Variants in WDR41 observed in about 807,000 individuals in gnomAD.
The protein encoded by WDR41 is WD repeat-containing protein 41.
In WDR41, 63 loss-of-function variants were observed where a neutral mutation model predicts 69.3. The ratio of observed to expected loss-of-function variants is 0.91; its 90% CI spans 0.74 to 1.12. The LOEUF is 1.12. WDR41 is among the 50% of genes most tolerant of loss of function. The pLI is 0.00. For missense variants in WDR41, 543 were observed against 534.5 expected, an observed-to-expected ratio of 1.02 and a Z score of -0.16; for synonymous variants, 185 against 192.1, an observed-to-expected ratio of 0.96 and a Z score of 0.31.
At chr5:77,522,029 T>C (rs886356932) in intron 1 of WDR41, among the ~76,000 whole-genome samples, 2 of 152,162 alleles carry the variant, frequency 1.3e-5, no homozygotes, top group African/African-American at 4.8e-5. Context: ...TCTGAAACAA[T>C]TGCAGGAGTT....
intron 1 of WDR41, among the ~76,000 whole-genome samples, chr5:77,585,516 T>A (rs945088303): frequency 6.6e-5 from 10 of 152,174 alleles, no homozygotes; most frequent in African/African-American, 1.9e-4. Flanking sequence ...AAGACGATAC[T>A]TGCACATTAA....
chr5:77,567,410 T>C (rs550269957), intron 1 of WDR41, among the ~76,000 whole-genome samples: 73 of 152,212 alleles, frequency 4.8e-4, no homozygotes, highest in African/African-American at 1.6e-3. Flanking sequence ...GCTTGTTCAC[T>C]GTGATCAACT....
At position 77,478,094 on chromosome 5, in the gene WDR41, C is replaced by G. The variant is rs552993116; in HGVS notation, c.167+11363G>C. ...ATCTAGAAGAAATGGATAAATTCCT[C>G]GACACATACACCCTCCCAAGACTAA... On this transcript the variant is annotated intron_variant, in intron 2 of 12. Transcript: ENST00000296679. Among the ~76,000 whole-genome samples, 338 of 152,202 alleles carry G rather than the reference C, an allele frequency of 2.2e-3. 1 individual carries two copies. Among genetic ancestry groups the G allele is most frequent in the Non-Finnish European group, 3.6e-3 (245 of 67,994 alleles).
chr5:77,455,358 A>G (rs335603), intron 5 of WDR41, among the ~76,000 whole-genome samples: 76,698 of 152,070 alleles, frequency 0.5, 19,776 homozygotes, highest in African/African-American at 0.59. Context: ...TTCTTCATAT[A>G]TTGTAGACAC....
intron 1 of WDR41, among the ~76,000 whole-genome samples, chr5:77,573,515 A>C (rs1743770130): frequency 6.6e-6 from 1 of 152,140 alleles, no homozygotes; most frequent in African/African-American, 2.4e-5. Context: ...GCTTATCCCA[A>C]ATTGCAAACT....
At chr5:77,495,280 G>A (rs555996047), upstream of WDR41, among the ~76,000 whole-genome samples, 12 of 151,946 alleles carry the variant, frequency 7.9e-5, no homozygotes, top group South Asian at 2.1e-3. Context: ...ATAAGAATTA[G>A]AGCAGAGATA....
chr5:77,593,963 C>A (rs1236695269), intron 1 of WDR41, among the ~76,000 whole-genome samples: 1 of 151,664 alleles, frequency 6.6e-6, no homozygotes, highest in Non-Finnish European at 1.5e-5. Context: ...AGACTGAAGC[C>A]CTGTCCAAAT....
chr5:77,514,945 G>A (rs1802271309), intron 1 of WDR41, among the ~76,000 whole-genome samples: 1 of 152,212 alleles, frequency 6.6e-6, no homozygotes. Flanking sequence ...ACTAGAAGTT[G>A]CTCTGGGTGA....
chr5:77,536,135 T>C (rs1742973307), intron 1 of WDR41, among the ~76,000 whole-genome samples: 1 of 152,122 alleles, frequency 6.6e-6, no homozygotes, highest in Non-Finnish European at 1.5e-5. Context: ...TATGTGTACA[T>C]CCAAGTTTAT....
intron 9 of WDR41, among the ~76,000 whole-genome samples, chr5:77,440,009 C>CT (rs1159621438): frequency 6.6e-6 from 1 of 152,072 alleles, no homozygotes; most frequent in Non-Finnish European, 1.5e-5. Context: ...CTATCCTAAT[C>CT]TTTTGTTTTG....
At chr5:77,559,548 A>C (rs1745749576) in intron 1 of WDR41, among the ~76,000 whole-genome samples, 1 of 151,982 alleles carries the variant, frequency 6.6e-6, no homozygotes, top group South Asian at 2.1e-4. Flanking sequence ...ATATATGGAC[A>C]TGATTTTTAT....
chr5:77,547,487 G>A (rs1743219659), intron 1 of WDR41, among the ~76,000 whole-genome samples: 2 of 150,652 alleles, frequency 1.3e-5, no homozygotes, highest in African/African-American at 4.9e-5. Flanking sequence ...TGACCAAGCT[G>A]AGAATCAAAT....
chr5:77,588,943 C>G (rs748861854), intron 1 of WDR41, among the ~76,000 whole-genome samples: 6 of 152,166 alleles, frequency 3.9e-5, no homozygotes, highest in South Asian at 2.1e-4. Context: ...CCAGCAAGCA[C>G]TTCAGCACTA....
At chr5:77,483,073 G>C (rs1801352966) in intron 2 of WDR41, among the ~76,000 whole-genome samples, 2 of 152,128 alleles carry the variant, frequency 1.3e-5, no homozygotes, top group East Asian at 3.8e-4. Context: ...GAAACTCAAA[G>C]TCCATTTCCT....
chr5:77,442,570 A>T (rs1292716260), intron 8 of WDR41, among the ~76,000 whole-genome samples: 1 of 151,942 alleles, frequency 6.6e-6, no homozygotes, highest in Non-Finnish European at 1.5e-5. Flanking sequence ...TTCTACTATG[A>T]CTATGTATAA....
At chr5:77,520,898 T>C (rs1802360108) in intron 1 of WDR41, among the ~76,000 whole-genome samples, 1 of 152,180 alleles carries the variant, frequency 6.6e-6, no homozygotes, top group Admixed American at 6.5e-5. Context: ...CTGACAAATT[T>C]GCTCTTCAGC....
chr5:77,433,221 T>C lies in WDR41; in HGVS notation c.1294A>G (p.Lys432Glu), dbSNP rs886967571. 2 of 1,614,044 alleles carry C rather than the reference T, an allele frequency of 1.2e-6. No individual in the cohort carries two copies. The highest frequency in any genetic ancestry group is 2.7e-5 in the African/African-American group (2 of 75,040). ...AATCCAGATTCTCGCTCTCCATTTT[T>C]CCACAAAATAATGAGATGATCAGCG... ...CSADHLIILW[K>E]NGERESGLRS... The change falls in exon 13 of 13, where the codon AAA becomes GAA. Residue 432 changes from lysine to glutamate, a missense_variant. By Grantham distance (56) the Lys-to-Glu change is moderately conservative. Transcript: ENST00000296679.
chr5:77,479,371 C>G (rs1451545708), intron 2 of WDR41, among the ~76,000 whole-genome samples: 1 of 152,152 alleles, frequency 6.6e-6, no homozygotes, highest in African/African-American at 2.4e-5. Context: ...CCAAGTCAAT[C>G]CTAAGCCAAA....
chr5:77,531,749 C>T (rs1802532241), intron 1 of WDR41, among the ~76,000 whole-genome samples: 1 of 151,936 alleles, frequency 6.6e-6, no homozygotes, highest in Admixed American at 6.6e-5. Flanking sequence ...TTCACAATAG[C>T]TCAAATGTAT....
Sources: allele counts gnomAD v4.1 joint callset (sites outside exome capture counted in the v4.1 genomes callset), GRCh38; gene constraint gnomAD v4.1.1; transcripts MANE v1.5; gene names NCBI Gene and HGNC (gene_info 2026-07-23, HGNC 2026-07-21).